The following ACACB variants were observed in gnomAD, a reference collection of about 807,000 sequenced individuals.
ACACB encodes the protein acetyl-CoA carboxylase beta.
ACACB carries 209 observed loss-of-function variants against 278.8 expected under a neutral mutation model. The ratio of observed to expected loss-of-function variants is 0.75; its 90% confidence interval spans 0.67 to 0.84. ACACB has a LOEUF of 0.84. Among genes scored for constraint, ACACB ranks in the 40% least tolerant of loss-of-function variants. The pLI, the probability that ACACB is intolerant of heterozygous loss-of-function variation, is 0.00. For missense variants in ACACB, 2,850 were observed against 3,269.0 expected, an observed-to-expected ratio of 0.87 and a Z score of 3.13; for synonymous variants, 1,174 against 1,285.6, an observed-to-expected ratio of 0.91 and a Z score of 1.86.
chr12:109,237,019 G>A, intron 33 of ACACB, 146 bp from the exon 34 acceptor site: 1 of 774,632 alleles, frequency 1.3e-6, no homozygotes, highest in Non-Finnish European at 2.2e-6. Flanking sequence ...CTTACAATTA[G>A]GGAACATCAT....
chr12:109,198,240 T>A (rs1237877449), intron 17 of ACACB, among the ~76,000 whole-genome samples: 1 of 152,138 alleles, frequency 6.6e-6, no homozygotes, highest in Non-Finnish European at 1.5e-5. Context: ...CCAAGAATGT[T>A]CAGGATTACT....
rs35315851 is a variant in ACACB, at chr12:109,206,428, C to CAA, written c.2914-267_2914-266dup. On this transcript the variant is annotated intron_variant, in intron 19 of 52. Coordinates refer to ENST00000338432, the MANE Select transcript of ACACB (RefSeq NM_001093.4). ...CAGCCTGGGGACAATGCGAGTGTCT[C>CAA]AAAAAAAAAAAAAAAACAGATCTCA... Among the ~76,000 whole-genome samples, 53 of 89,758 alleles carry CAA rather than the reference C, an allele frequency of 5.9e-4. 1 individual carries two copies. The highest frequency in any genetic ancestry group is 7.4e-4 in the Non-Finnish European group (35 of 47,090). The allele number at this position is 89,758 out of a possible 152,430, so 58.9% of individuals were successfully genotyped here.
intron 52 of ACACB, 70 bp downstream of exon 52, chr12:109,265,595 C>T: frequency 6.4e-7 from 1 of 1,562,382 alleles, no homozygotes; most frequent in Admixed American, 1.8e-5. Flanking sequence ...CCCTAGCTAC[C>T]CGACTCCTAT....
chr12:109,158,065 C>T (rs1027532504), intron 2 of ACACB, among the ~76,000 whole-genome samples: 1 of 152,142 alleles, frequency 6.6e-6, no homozygotes, highest in Non-Finnish European at 1.5e-5. Context: ...CACCTCTACC[C>T]CCTAGACATG....
intron 2 of ACACB, among the ~76,000 whole-genome samples, chr12:109,160,887 GT>G (rs909592534): frequency 3.3e-5 from 5 of 152,140 alleles, no homozygotes; most frequent in Non-Finnish European, 5.9e-5. Flanking sequence ...GCCAAGAATG[GT>G]TTTTTTGCCC....
intron 52 of ACACB, 81 bp from the exon 53 acceptor site, chr12:109,266,155 C>T: frequency 1.3e-6 from 2 of 1,526,350 alleles, no homozygotes; most frequent in Admixed American, 3.9e-5. Flanking sequence ...GGGTGTGGCC[C>T]CACACAAGGA....
At position 109,140,264 on chromosome 12, in the gene ACACB, T is replaced by A. The variant is rs1330194045; in HGVS notation, c.653+206T>A. The stretch of plus-strand genomic sequence containing the variant: ...CTTCCTTCCTTCCTTCCATCCTTCC[T>A]TCCTTCTTTCCTTCCTTCCTTCCTT... On this transcript the variant is annotated intron_variant, in intron 2 of 52. Transcript: ENST00000338432. Among the ~76,000 whole-genome samples, 72 of 71,020 alleles carry A rather than the reference T, an allele frequency of 1.0e-3. 2 individuals are homozygous for A. Among genetic ancestry groups the A allele is most frequent in the African/African-American group, 1.6e-3 (38 of 23,156 alleles). 46.6% of individuals were successfully genotyped at this position (71,020 alleles called of 152,430 possible). A position where few individuals can be genotyped will look rare whatever the true frequency, so the allele number is the denominator to read the frequency against.
intron 13 of ACACB, among the ~76,000 whole-genome samples, chr12:109,190,614 G>T (rs1028833445): frequency 2.7e-5 from 3 of 109,888 alleles, no homozygotes; most frequent in Non-Finnish European, 5.6e-5. Context: ...GGCGGTGACC[G>T]ATTTTCCCTT....
At chr12:109,188,705 C>CT (rs1223818980) in intron 13 of ACACB, among the ~76,000 whole-genome samples, 1 of 151,992 alleles carries the variant, frequency 6.6e-6, no homozygotes, top group African/African-American at 2.4e-5. Context: ...AAAGCCTGCC[C>CT]TTTTTTTCCT....
intron 2 of ACACB, among the ~76,000 whole-genome samples, chr12:109,155,996 C>T (rs2043521145): frequency 1.3e-5 from 2 of 152,166 alleles, no homozygotes; most frequent in African/African-American, 4.8e-5. Context: ...ACAATGTTTG[C>T]CAATCCCTGC....
intron 1 of ACACB, among the ~76,000 whole-genome samples, chr12:109,133,070 T>C (rs1197127689): frequency 6.6e-6 from 1 of 152,190 alleles, no homozygotes; most frequent in Non-Finnish European, 1.5e-5. Context: ...CAGCCATCCA[T>C]TTGTCCAGCC....
chr12:109,181,016 C>T (rs1232230889), intron 11 of ACACB, among the ~76,000 whole-genome samples: 1 of 152,056 alleles, frequency 6.6e-6, no homozygotes, highest in African/African-American at 2.4e-5. Flanking sequence ...TCATTCTACT[C>T]TCTGTGTCTG....
At chr12:109,223,699 C>T in intron 26 of ACACB, 116 bp from the exon 27 acceptor site, 1 of 927,614 alleles carries the variant, frequency 1.1e-6, no homozygotes, top group Non-Finnish European at 1.7e-6. Flanking sequence ...GAGTTTGAGG[C>T]TGCGGTGAGC....
At chr12:109,139,092 G>T (rs2043037183) in intron 1 of ACACB, among the ~76,000 whole-genome samples, 1 of 152,118 alleles carries the variant, frequency 6.6e-6, no homozygotes, top group African/African-American at 2.4e-5. Context: ...TCTCAAGATT[G>T]GCCTGTTCTG....
chr12:109,246,222 A>G lies in ACACB; in HGVS notation c.5345A>G (p.Tyr1782Cys), dbSNP rs1035181444. The change falls in exon 39 of 53, where the codon TAC becomes TGC. Residue 1782 changes from tyrosine to cysteine, a missense_variant. Physicochemically the swap from Tyr to Cys is radical, Grantham distance 194. This residue lies in a region of ACACB where 2,265 missense variants were observed against 2,561.3 expected (regional missense o/e 0.88). Transcript: ENST00000338432. ...AAAATGAGGTTTAAGACCCAGGAGT[A>G]CCCGGAAGGACGGGATGTGATCGTC... The part of the protein sequence containing the change: ...AFKMRFKTQE[Y>C]PEGRDVIVIG... 3 of 1,613,786 alleles carry G rather than the reference A, an allele frequency of 1.9e-6. No homozygotes were observed. The highest frequency in any genetic ancestry group is 2.5e-6 in the Non-Finnish European group (3 of 1,179,982).
chr12:109,245,602 T>G (rs2046918244), intron 37 of ACACB, 24 bp from the exon 38 acceptor site: 5 of 1,608,170 alleles, frequency 3.1e-6, no homozygotes, highest in Non-Finnish European at 4.2e-6. Context: ...TTCAAGTTTT[T>G]TCTCTTTCCT....
At position 109,253,109 on chromosome 12, in the gene ACACB, A is replaced by G; in HGVS notation, c.5996A>G (p.Asp1999Gly). Residue 1999 changes from aspartate to glycine, a missense_variant, in exon 43 of 53, where the codon GAC (aspartate) becomes GGC (glycine). Coordinates refer to ENST00000338432, the MANE Select transcript of ACACB (RefSeq NM_001093.4). ...NGVSHITVPD[D>G]FEGVYTILEW... ...GTCTCCCACATCACCGTGCCAGATG[A>G]CTTTGAGGGGGTTTATACCATCCTG... is the stretch of plus-strand genomic sequence containing the variant. The G allele has an allele frequency of 6.2e-7, 1 of 1,613,262 alleles. No homozygotes were observed. Among genetic ancestry groups the G allele is most frequent in the East Asian group, 2.2e-5 (1 of 44,862 alleles).
At chr12:109,257,453 A>G (rs376972514) in intron 45 of ACACB, among the ~76,000 whole-genome samples, 11 of 152,292 alleles carry the variant, frequency 7.2e-5, no homozygotes, top group African/African-American at 2.6e-4. Flanking sequence ...AACTGATGTC[A>G]TGGCATCCCC....
At chr12:109,196,561 A>G (rs2045136493) in intron 16 of ACACB, among the ~76,000 whole-genome samples, 1 of 152,130 alleles carries the variant, frequency 6.6e-6, no homozygotes, top group African/African-American at 2.4e-5. Context: ...ATCACCTCCC[A>G]AAGGCTCCAC....
Sources: allele counts gnomAD v4.1 joint callset (sites outside exome capture counted in the v4.1 genomes callset), GRCh38; gene constraint gnomAD v4.1.1; regional missense constraint gnomAD v4.1.1; transcripts MANE v1.5; gene names NCBI Gene and HGNC (gene_info 2026-07-23, HGNC 2026-07-21).